CYGB: variants seen among roughly 807,000 people sequenced by gnomAD.
CYGB encodes histoglobin.
In CYGB, 13 loss-of-function variants were observed where a neutral mutation model predicts 20.7. The observed-to-expected ratio is 0.63, with a 90% CI of 0.41 to 1.00. CYGB has a LOEUF of 1.00. Ranked by LOEUF, CYGB falls within the 50% of genes least tolerant of loss-of-function variation. CYGB has a pLI of 0.00. For synonymous variants in CYGB, 93 were observed against 107.4 expected (o/e 0.87, Z 0.83); for missense variants, 218 against 257.2 (o/e 0.85, Z 1.04).
chr17:76,541,610 G>A (rs2074994078), upstream of CYGB, among the ~76,000 whole-genome samples: 1 of 152,202 alleles, frequency 6.6e-6, no homozygotes, highest in Admixed American at 6.5e-5. Context: ...GGCCTGTACA[G>A]GAAGCGGAGG....
rs768956881 is a variant in CYGB at position 76,531,417 on chromosome 17, A to G, written c.375+43T>C. On this transcript the variant is annotated intron_variant, in intron 2 of 3. Transcript: ENST00000293230. This position sits in a 1 kb window ranked among gnomAD's most constrained non-coding sequence, Gnocchi z 7.4. ...AGCCTGCGAGCTGCAGATGGCCATG[A>G]CGCGTGGGCGGTGGGGGCTCTGCAG... 3.8e-6 allele frequency: 6 copies of G among 1,579,990 alleles called. No individual in the cohort carries two copies. In the African/African-American group the frequency reaches 6.7e-5, roughly 18 times the overall value.
chr17:76,544,036 G>A lies in CYGB; in HGVS notation c.-53+6826C>T, dbSNP rs1241961777. ...TTGCTGATGCTCAGTCCCGGCGGCT[G>A]CCTCCTTTGCCCCCAGCTGCTCTGC... On this transcript the variant is annotated intron_variant, in intron 1 of 3. Transcript: ENST00000589145. The A allele has an allele frequency of 6.6e-6, 3 of 454,958 alleles. No homozygotes were observed. In the East Asian group the frequency reaches 2.1e-4, roughly 32 times the overall value. 28.2% of individuals were successfully genotyped at this position (454,958 alleles called of 1,614,324 possible).
chr17:76,536,884 AC>A (rs1223186848), intron 1 of CYGB, among the ~76,000 whole-genome samples: 1 of 151,464 alleles, frequency 6.6e-6, no homozygotes, highest in Admixed American at 6.6e-5. Context: ...GGAACACTGG[AC>A]CCCCCGGGCT....
At position 76,527,558 on chromosome 17, in the gene CYGB, GC is replaced by G. The variant is rs1369476636; in HGVS notation, c.*1019del. 8 of 444,322 alleles carry G rather than the reference GC, an allele frequency of 1.8e-5. No homozygotes were observed. Among genetic ancestry groups the G allele is most frequent in the East Asian group, 1.4e-4 (2 of 14,072 alleles). The allele number at this position is 444,322 out of a possible 1,614,324, so 27.5% of individuals were successfully genotyped here. On this transcript the variant is annotated 3_prime_UTR_variant, in exon 4 of 4. Coordinates refer to ENST00000293230, the MANE Select transcript of CYGB (RefSeq NM_134268.5). ...CGTGACCAAGGGGCACACACGGGGG[GC>G]CCCCCTGGCAAGCCTGACGCAGATG...
chr17:76,545,743 A>G (rs920269129), intron 1 of CYGB: 1 of 240,804 alleles, frequency 4.2e-6, no homozygotes, highest in Non-Finnish European at 8.3e-6. Context: ...AACGTGTGGA[A>G]GATGCTTAGC....
At chr17:76,542,669 C>A (rs2075006118), upstream of CYGB, 2 of 1,399,906 alleles carry the variant, frequency 1.4e-6, no homozygotes, top group Non-Finnish European at 2.0e-6. Context: ...GGGCAGAGGG[C>A]AAGGCTTGGG....
intron 1 of CYGB, among the ~76,000 whole-genome samples, chr17:76,535,263 G>A (rs749653586): frequency 1.8e-4 from 28 of 152,330 alleles, no homozygotes; most frequent in Non-Finnish European, 3.4e-4. Flanking sequence ...CTGGCCTGGC[G>A]CAGTGGGGAG....
intron 1 of CYGB, chr17:76,545,108 T>C (rs909412237): frequency 1.5e-5 from 7 of 455,756 alleles, no homozygotes; most frequent in Non-Finnish European, 2.6e-5. Context: ...TGGGAGCAGA[T>C]TGTGTTTACA....
chr17:76,545,006 G>A (rs1200461861), intron 1 of CYGB: 2 of 455,822 alleles, frequency 4.4e-6, no homozygotes, highest in East Asian at 7.0e-5. Flanking sequence ...GCGGGGCTGT[G>A]GCTGCCTGGG....
chr17:76,531,801 C>T lies in CYGB; in HGVS notation c.144-110G>A. 1 of 855,518 alleles carries T rather than the reference C, an allele frequency of 1.2e-6. No homozygotes were observed. The highest frequency in any genetic ancestry group is 2.4e-4 in the Middle Eastern group (1 of 4,150). The allele number at this position is 855,518 out of a possible 1,614,324, so 53.0% of individuals were successfully genotyped here. On this transcript the variant is annotated intron_variant, in intron 1 of 3. Coordinates refer to ENST00000293230, the MANE Select transcript of CYGB (RefSeq NM_134268.5). This position sits in a 1 kb window ranked among gnomAD's most constrained non-coding sequence, Gnocchi z 7.4. ...AAGTGGACCGCAGTGCTCCCCACCC[C>T]CGCACCGTCACTGTTTTCACTACCA...
At position 76,531,035 on chromosome 17, in the gene CYGB, G is replaced by A. The variant is rs374652915; in HGVS notation, c.483C>T (p.His161=). ...WAKLRGLIYS[H]VTAAYKEVGW... is the part of the protein sequence containing the mutation. ...CCACTTCCTTGTAGGCAGCGGTCAC[G>A]TGGCTGTAGATGAGGCCACGCAGCT... Residue 161 remains histidine (H), a synonymous_variant, in exon 3 of 4, where the codon CAC becomes CAT. Coordinates refer to ENST00000293230, the MANE Select transcript of CYGB (RefSeq NM_134268.5). This position sits in a 1 kb window ranked among gnomAD's most constrained non-coding sequence, Gnocchi z 7.4. 29 of 1,613,700 alleles carry A rather than the reference G, an allele frequency of 1.8e-5. No individual in the cohort carries two copies. The highest frequency in any genetic ancestry group is 8.8e-5 in the South Asian group (8 of 91,076).
rs762900166 is a variant in CYGB, at chr17:76,537,381, C to T, written c.143+19G>A. The T allele has an allele frequency of 3.2e-6, 5 of 1,576,694 alleles. No homozygotes were observed. The highest frequency in any genetic ancestry group is 2.8e-5 in the African/African-American group (2 of 71,312). On this transcript the variant is annotated intron_variant, in intron 1 of 3. Coordinates refer to ENST00000293230, the MANE Select transcript of CYGB (RefSeq NM_134268.5). ...CCGCCCTCCCTGCCCAGGGCCCGGC[C>T]GGGCCGGGCGACACCTACCTCACCA...
upstream of CYGB, chr17:76,540,556 C>G: frequency 5.0e-6 from 8 of 1,613,452 alleles, no homozygotes; most frequent in Non-Finnish European, 6.8e-6. The surrounding 1 kb of genome is among the most constrained non-coding windows in gnomAD (Gnocchi z 5.0). Flanking sequence ...TGGATGCGGA[C>G]CCTCAGTCCT....
At chr17:76,534,854 G>A (rs1421092079) in intron 1 of CYGB, among the ~76,000 whole-genome samples, 1 of 152,204 alleles carries the variant, frequency 6.6e-6, no homozygotes, top group African/African-American at 2.4e-5. Flanking sequence ...GACCCTCCAC[G>A]GTTCTGTGGC....
At chr17:76,547,852 CAG>C (rs59850498) in intron 1 of CYGB, among the ~76,000 whole-genome samples, 46,609 of 145,224 alleles carry the variant, frequency 0.32, 9,423 homozygotes, top group African/African-American at 0.58. Flanking sequence ...CACACACACA[CAG>C]ACATACACAT....
intron 1 of CYGB, among the ~76,000 whole-genome samples, chr17:76,534,808 C>A (rs974485882): frequency 6.6e-6 from 1 of 152,190 alleles, no homozygotes; most frequent in African/African-American, 2.4e-5. Context: ...CGGGTTGTGG[C>A]CCTGAGGAAT....
intron 3 of CYGB, chr17:76,529,665 C>T: frequency 1.0e-6 from 1 of 985,374 alleles, no homozygotes; most frequent in East Asian, 1.1e-4. Context: ...GCAGGCAAGC[C>T]CCCTCCCCTC....
chr17:76,529,915 G>C, intron 3 of CYGB: 1 of 985,268 alleles, frequency 1.0e-6, no homozygotes, highest in Non-Finnish European at 1.2e-6. Context: ...ACGGGAGAGG[G>C]GGGAGGGGAG....
At chr17:76,544,100 G>C (rs1567913029) in intron 1 of CYGB, 1 of 454,600 alleles carries the variant, frequency 2.2e-6, no homozygotes, top group Non-Finnish European at 4.4e-6. Flanking sequence ...CCTGAGCAGA[G>C]ATAAAAGCAG....
Sources: gnomAD v4.1 joint callset for allele counts (sites outside exome capture counted in the v4.1 genomes callset) on GRCh38, gnomAD v4.1.1 for gene constraint, Gnocchi (gnomAD v3.1) non-coding constraint, MANE v1.5 for transcripts, NCBI Gene and HGNC (gene_info 2026-07-23, HGNC 2026-07-21) for gene names.